COMMD10: variants seen among roughly 807,000 people sequenced by gnomAD.
COMMD10 encodes COMM domain-containing protein 10.
In COMMD10, 33 loss-of-function variants were observed where a neutral mutation model predicts 28.9. That is an observed-to-expected ratio of 1.14 (90% CI 0.87 to 1.53). COMMD10 has a LOEUF of 1.53. Among genes scored for constraint, COMMD10 ranks in the 40% most tolerant of loss-of-function variants. The pLI is 0.00. For synonymous variants in COMMD10, 110 were observed against 81.7 expected (o/e 1.35, Z -1.87); for missense variants, 310 against 233.4 (o/e 1.33, Z -2.14).
At chr5:116,203,595 TAAAG>T (rs968458316) in intron 5 of COMMD10, among the ~76,000 whole-genome samples, 5 of 152,108 alleles carry the variant, frequency 3.3e-5, no homozygotes, top group South Asian at 2.1e-4. Context: ...TCAACATTCT[TAAAG>T]AAAAGAATTT....
At chr5:116,270,829 C>G (rs1750733638) in intron 5 of COMMD10, among the ~76,000 whole-genome samples, 1 of 151,530 alleles carries the variant, frequency 6.6e-6, no homozygotes, top group Non-Finnish European at 1.5e-5. Context: ...CCGAACACTA[C>G]TTGGGAGGCT....
chr5:116,289,724 G>A (rs562177871), intron 5 of COMMD10, among the ~76,000 whole-genome samples: 1 of 152,006 alleles, frequency 6.6e-6, no homozygotes, highest in South Asian at 2.1e-4. Context: ...AGAGAGGCAT[G>A]CATGAATACA....
intron 5 of COMMD10, among the ~76,000 whole-genome samples, chr5:116,276,711 C>G (rs1451414842): frequency 6.6e-6 from 1 of 151,750 alleles, no homozygotes; most frequent in Non-Finnish European, 1.5e-5. Context: ...CATGCTACAA[C>G]ATGGATACAT....
At chr5:116,123,408 A>G in intron 4 of COMMD10, among the ~76,000 whole-genome samples, 1 of 152,192 alleles carries the variant, frequency 6.6e-6, no homozygotes, top group Non-Finnish European at 1.5e-5. Context: ...CTTGTATCCC[A>G]GGGATGAAGC....
Position 116,258,092 on chromosome 5 carries a change from A to C in COMMD10, c.511-33425A>C, listed in dbSNP as rs1035629204. ...ACAAATATGAGTATATTTGAAGAAAAGCAAATTCATATTGAATTTAAAGGC... is the reference window on the plus strand; with the variant it reads ...ACAAATATGAGTATATTTGAAGAAACGCAAATTCATATTGAATTTAAAGGC... On this transcript the variant is annotated intron_variant, in intron 5 of 6. Transcript: ENST00000274458. Among the ~76,000 whole-genome samples the C allele has an allele frequency of 4.6e-5, 7 of 151,938 alleles. No individual in the cohort carries two copies. The East Asian group carries it at 9.7e-4, about 21-fold the overall frequency.
intron 5 of COMMD10, among the ~76,000 whole-genome samples, chr5:116,260,909 T>C (rs1189155726): frequency 6.6e-6 from 1 of 151,752 alleles, no homozygotes; most frequent in Non-Finnish European, 1.5e-5. Context: ...TATTCAAAAA[T>C]AGAAAAAAGT....
chr5:116,207,043 CAT>C (rs2112629481), intron 5 of COMMD10, among the ~76,000 whole-genome samples: 1 of 152,158 alleles, frequency 6.6e-6, no homozygotes, highest in Non-Finnish European at 1.5e-5. Flanking sequence ...GGTTAGTGAA[CAT>C]GTGAGAGAAT....
chr5:116,264,018 A>C (rs1212300332), intron 5 of COMMD10, among the ~76,000 whole-genome samples: 2 of 151,812 alleles, frequency 1.3e-5, no homozygotes, highest in Non-Finnish European at 2.9e-5. Flanking sequence ...TGAAAAGATT[A>C]AGAGTTAGAC....
At chr5:116,223,124 T>A (rs2112646330) in intron 5 of COMMD10, among the ~76,000 whole-genome samples, 1 of 152,338 alleles carries the variant, frequency 6.6e-6, no homozygotes, top group South Asian at 2.1e-4. Context: ...TTGCTATTTT[T>A]CACTATATTT....
intron 4 of COMMD10, among the ~76,000 whole-genome samples, chr5:116,119,809 T>G (rs565630247): frequency 1.3e-5 from 2 of 152,242 alleles, no homozygotes; most frequent in South Asian, 4.1e-4. Context: ...AGAGACAGTG[T>G]CTTGCCATTT....
chr5:116,110,338 C>T (rs989278114), intron 4 of COMMD10, among the ~76,000 whole-genome samples: 2 of 151,932 alleles, frequency 1.3e-5, no homozygotes, highest in Non-Finnish European at 2.9e-5. Context: ...TTTCTTTATT[C>T]GTTGTGTCCT....
intron 4 of COMMD10, among the ~76,000 whole-genome samples, chr5:116,099,761 C>T (rs1275996049): frequency 1.3e-5 from 2 of 151,740 alleles, no homozygotes; most frequent in Non-Finnish European, 2.9e-5. Context: ...GGGAGAATGT[C>T]TGTTCAGTTC....
intron 5 of COMMD10, among the ~76,000 whole-genome samples, chr5:116,153,182 G>C (rs1752593768): frequency 6.6e-6 from 1 of 152,034 alleles, no homozygotes; most frequent in Non-Finnish European, 1.5e-5. Flanking sequence ...ATCTTACATA[G>C]GTTAAGATAC....
At chr5:116,262,059 A>G (rs1750461939) in intron 5 of COMMD10, among the ~76,000 whole-genome samples, 1 of 151,644 alleles carries the variant, frequency 6.6e-6, no homozygotes, top group South Asian at 2.1e-4. Context: ...AGAGAGGTTA[A>G]TTACTTTGTT....
chr5:116,251,993 G>C (rs1750131608), intron 5 of COMMD10, among the ~76,000 whole-genome samples: 1 of 6,182 alleles, frequency 1.6e-4, no homozygotes. Flanking sequence ...ATTCTAAGTG[G>C]TGTGAGAAGG....
intron 5 of COMMD10, among the ~76,000 whole-genome samples, chr5:116,253,120 T>C (rs1482884457): frequency 1.1e-5 from 1 of 89,756 alleles, no homozygotes; most frequent in Admixed American, 1.2e-4. Context: ...TGTATAAGAA[T>C]GCTTGTGATT....
At chr5:116,195,550 C>G (rs763704727) in intron 5 of COMMD10, among the ~76,000 whole-genome samples, 6 of 152,030 alleles carry the variant, frequency 3.9e-5, no homozygotes, top group Non-Finnish European at 7.4e-5. Flanking sequence ...AACTCAACCC[C>G]TTTTACAATA....
At chr5:116,128,548 C>G (rs760059999) in intron 4 of COMMD10, among the ~76,000 whole-genome samples, 1 of 151,742 alleles carries the variant, frequency 6.6e-6, no homozygotes, top group African/African-American at 2.4e-5. Flanking sequence ...AGGCAAAACT[C>G]TATACTGGGT....
At chr5:116,172,962 A>G (rs895195107) in intron 5 of COMMD10, among the ~76,000 whole-genome samples, 1 of 152,168 alleles carries the variant, frequency 6.6e-6, no homozygotes, top group East Asian at 1.9e-4. Context: ...ACTTTTGCTC[A>G]TGTAAAGTTT....
Sources: gnomAD v4.1 joint callset for allele counts (sites outside exome capture counted in the v4.1 genomes callset) on GRCh38, gnomAD v4.1.1 for gene constraint, MANE v1.5 for transcripts, NCBI Gene and HGNC (gene_info 2026-07-23, HGNC 2026-07-21) for gene names.